RBFOX1: variants seen among roughly 807,000 people sequenced by gnomAD.
RBFOX1 encodes RNA binding protein fox-1 homolog 1.
Under a neutral mutation model 57.7 loss-of-function variants are expected in RBFOX1, and 8 were observed. That is an observed-to-expected ratio of 0.14 (90% confidence interval 0.08 to 0.25). The LOEUF (loss-of-function observed/expected upper bound fraction) is 0.25. Among genes scored for constraint, RBFOX1 ranks in the 10% least tolerant of loss-of-function variants. The pLI, the probability that RBFOX1 is intolerant of heterozygous loss-of-function variation, is 1.00. For synonymous variants in RBFOX1, 326 were observed against 222.4 expected (o/e 1.47, Z -4.15); for missense variants, 611 against 548.5 (o/e 1.11, Z -1.14).
chr16:7,450,728 G>A (rs1262520713), intron 4 of RBFOX1, among the ~76,000 whole-genome samples: 1 of 152,122 alleles, frequency 6.6e-6, no homozygotes, highest in African/African-American at 2.4e-5. Flanking sequence ...GATGCTAATG[G>A]TTAGGTCTTC....
At chr16:5,464,918 C>T (rs1018356541) in intron 1 of RBFOX1, among the ~76,000 whole-genome samples, 1 of 152,164 alleles carries the variant, frequency 6.6e-6, no homozygotes, top group African/African-American at 2.4e-5. Context: ...TGTGCAGACC[C>T]TGGTCTGCAG....
In RBFOX1 at chr16:7,034,848, C is replaced by CTTTTTTTT. The variant is rs58405378; in HGVS notation, c.-15-17198_-15-17191dup. On this transcript the variant is annotated intron_variant, in intron 3 of 15. Transcript: ENST00000550418. ...ATTACTTTTTTTTTTTTTCTTTTTT[C>CTTTTTTTT]TTTTTTTTTTTTTTTTTTGAGATGG... Among the ~76,000 whole-genome samples the CTTTTTTTT allele has an allele frequency of 1.1e-3, 33 of 30,824 alleles. 1 individual carries two copies. Among genetic ancestry groups the CTTTTTTTT allele is most frequent in the African/African-American group, 2.3e-3 (13 of 5,746 alleles). The allele number at this position is 30,824 out of a possible 152,430, so 20.2% of individuals were successfully genotyped here.
At chr16:7,327,365 G>A (rs1353015031) in intron 4 of RBFOX1, among the ~76,000 whole-genome samples, 1 of 152,236 alleles carries the variant, frequency 6.6e-6, no homozygotes, top group Non-Finnish European at 1.5e-5. Context: ...AATTTGGACA[G>A]GGTAAAGTGA....
At chr16:6,779,946 TTTATATATTTATATA>T (rs1286391766) in intron 3 of RBFOX1, among the ~76,000 whole-genome samples, 2 of 83,386 alleles carry the variant, frequency 2.4e-5, no homozygotes, top group African/African-American at 1.1e-4. Flanking sequence ...TTTATATATA[TTTATATATTTATATA>T]TTTATATATA....
chr16:5,568,574 G>A (rs2046155624), intron 2 of RBFOX1, among the ~76,000 whole-genome samples: 1 of 152,142 alleles, frequency 6.6e-6, no homozygotes, highest in Non-Finnish European at 1.5e-5. Flanking sequence ...AGGGATGTGA[G>A]GATGCGTGAC....
At chr16:5,644,861 G>C (rs951887582) in intron 3 of RBFOX1, among the ~76,000 whole-genome samples, 1 of 152,170 alleles carries the variant, frequency 6.6e-6, no homozygotes, top group Non-Finnish European at 1.5e-5. Context: ...TCATGTGCGA[G>C]TTTTTGTCTG....
intron 3 of RBFOX1, among the ~76,000 whole-genome samples, chr16:5,748,666 C>G (rs1456570412): frequency 6.6e-6 from 1 of 152,102 alleles, no homozygotes; most frequent in Non-Finnish European, 1.5e-5. Context: ...GGTTTAAAGT[C>G]TGTTTTATCC....
In RBFOX1 at chr16:7,636,907, T is replaced by G. The variant is rs1300238748; in HGVS notation, c.757+6224T>G. The stretch of plus-strand genomic sequence containing the variant: ...TCTTCATATAAGGGCATGAATCTTA[T>G]GAAGGGCCCACCCTCAGGACCTCAT... On this transcript the variant is annotated intron_variant, in intron 11 of 15. Coordinates refer to ENST00000550418, the MANE Select transcript of RBFOX1 (RefSeq NM_018723.4). Among the ~76,000 whole-genome samples the G allele has an allele frequency of 3.3e-5, 5 of 152,146 alleles. No homozygotes were observed. In the South Asian group the frequency reaches 8.3e-4, roughly 25 times the overall value.
chr16:6,019,058 C>G lies in RBFOX1; in HGVS notation c.-1061C>G. On this transcript the variant is annotated 5_prime_UTR_variant, in exon 1 of 16. Coordinates refer to ENST00000550418, the MANE Select transcript of RBFOX1 (RefSeq NM_018723.4). The surrounding 1 kb of genome is among the most constrained non-coding windows in gnomAD (Gnocchi z 4.2). Reference sequence around the variant, plus strand: ...TTGGCTCCGCAGCCGGGGCTGCTCGCTGCTTGTCGCGCGCTCACACACACA... The same window carrying G: ...TTGGCTCCGCAGCCGGGGCTGCTCGGTGCTTGTCGCGCGCTCACACACACA... The G allele has an allele frequency of 1.0e-6, 1 of 976,364 alleles. No individual in the cohort carries two copies. Among genetic ancestry groups the G allele is most frequent in the African/African-American group, 1.8e-5 (1 of 56,892 alleles). The allele number at this position is 976,364 out of a possible 1,614,324, so 60.5% of individuals were successfully genotyped here.
intron 3 of RBFOX1, among the ~76,000 whole-genome samples, chr16:5,719,778 A>G (rs1436169488): frequency 1.3e-5 from 2 of 152,140 alleles, no homozygotes; most frequent in East Asian, 1.9e-4. Context: ...CATTGTATGG[A>G]TAGACCCCAT....
At chr16:6,948,206 A>G in intron 3 of RBFOX1, among the ~76,000 whole-genome samples, 1 of 151,960 alleles carries the variant, frequency 6.6e-6, no homozygotes, top group Admixed American at 6.6e-5. Context: ...CTGAGGTGAG[A>G]GGATGGCTTG....
chr16:5,659,303 CTT>C (rs779525957), intron 3 of RBFOX1, among the ~76,000 whole-genome samples: 2,453 of 128,862 alleles, frequency 0.019, 71 homozygotes, highest in East Asian at 0.18. Context: ...ATTGGTATAT[CTT>C]TTTTTTTTTT....
intron 3 of RBFOX1, among the ~76,000 whole-genome samples, chr16:5,704,899 A>G (rs1365382319): frequency 1.3e-5 from 2 of 152,132 alleles, no homozygotes; most frequent in Non-Finnish European, 2.9e-5. Context: ...TTCTTACATC[A>G]TGGGGATTTA....
At chr16:7,098,386 C>G (rs1353568086) in intron 4 of RBFOX1, among the ~76,000 whole-genome samples, 1 of 152,032 alleles carries the variant, frequency 6.6e-6, no homozygotes, top group Non-Finnish European at 1.5e-5. Context: ...GCCAGGCTGG[C>G]CTCAAACTCC....
chr16:6,309,931 G>A (rs531388136), intron 1 of RBFOX1, among the ~76,000 whole-genome samples: 4 of 152,278 alleles, frequency 2.6e-5, no homozygotes, highest in African/African-American at 7.2e-5. Context: ...GAGTCTCGCT[G>A]TGTCGCCCAG....
At chr16:6,303,695 G>T (rs752063879) in intron 1 of RBFOX1, among the ~76,000 whole-genome samples, 1 of 152,012 alleles carries the variant, frequency 6.6e-6, no homozygotes, top group Non-Finnish European at 1.5e-5. Context: ...TGATTAATGG[G>T]CTGGGCACAG....
chr16:5,339,957 G>A (rs745913485), intron 1 of RBFOX1, among the ~76,000 whole-genome samples: 70 of 152,226 alleles, frequency 4.6e-4, no homozygotes, highest in Middle Eastern at 3.4e-3. Flanking sequence ...GAGGCATGAT[G>A]CCACCTTGAC....
chr16:6,500,136 C>T (rs1024142837), intron 2 of RBFOX1, among the ~76,000 whole-genome samples: 5 of 152,146 alleles, frequency 3.3e-5, no homozygotes, highest in Non-Finnish European at 7.3e-5. Flanking sequence ...CATGCTGACA[C>T]ATTTTCTAGA....
chr16:7,057,502 C>T (rs573905551), intron 4 of RBFOX1, among the ~76,000 whole-genome samples: 108 of 152,148 alleles, frequency 7.1e-4, no homozygotes, highest in Non-Finnish European at 7.5e-4. Flanking sequence ...TATGTTGCAT[C>T]GCTTTCCACC....
Sources: gnomAD v4.1 joint callset for allele counts (sites outside exome capture counted in the v4.1 genomes callset) on GRCh38, gnomAD v4.1.1 for gene constraint, Gnocchi (gnomAD v3.1) non-coding constraint, MANE v1.5 for transcripts, NCBI Gene and HGNC (gene_info 2026-07-23, HGNC 2026-07-21) for gene names.